The following ROBO2 variants were observed in gnomAD, a reference collection of about 807,000 sequenced individuals.
The protein encoded by ROBO2 is roundabout guidance receptor 2.
Under a neutral mutation model 160.8 loss-of-function variants are expected in ROBO2, and 53 were observed. The observed-to-expected ratio is 0.33, with a 90% CI of 0.26 to 0.41. The LOEUF is 0.41. Among genes scored for constraint, ROBO2 ranks in the 10% least tolerant of loss-of-function variants. ROBO2 has a pLI of 1.00. For missense variants in ROBO2, 1,577 were observed against 1,722.4 expected (o/e 0.92, Z 1.49); for synonymous variants, 664 against 611.7 (o/e 1.09, Z -1.26).
intron 2 of ROBO2, among the ~76,000 whole-genome samples, chr3:76,611,895 C>T (rs115104804): frequency 0.011 from 1,745 of 152,180 alleles, 34 homozygotes; most frequent in African/African-American, 0.039. Context: ...GAGGCATTTA[C>T]TGCTATAAAC....
At chr3:76,203,038 C>A (rs1360065520) in intron 2 of ROBO2, among the ~76,000 whole-genome samples, 1 of 151,160 alleles carries the variant, frequency 6.6e-6, no homozygotes, top group Non-Finnish European at 1.5e-5. Flanking sequence ...TATAGAACAA[C>A]CCTTAGAAAT....
intron 2 of ROBO2, among the ~76,000 whole-genome samples, chr3:77,123,229 A>G (rs542624288): frequency 1.3e-5 from 2 of 152,204 alleles, no homozygotes. Flanking sequence ...TTTTAGTTCT[A>G]TGCCATATTA....
intron 2 of ROBO2, among the ~76,000 whole-genome samples, chr3:75,969,116 T>C (rs2064905499): frequency 6.7e-6 from 1 of 149,338 alleles, no homozygotes; most frequent in Admixed American, 6.7e-5. Flanking sequence ...TTAATCTTTT[T>C]TTTAAGACTG....
chr3:77,514,053 T>C (rs1401990082), intron 5 of ROBO2, among the ~76,000 whole-genome samples: 1 of 151,722 alleles, frequency 6.6e-6, no homozygotes, highest in Non-Finnish European at 1.5e-5. Flanking sequence ...CATCTGTTTC[T>C]TTTTTTCTTG....
chr3:76,367,395 T>C (rs539718224), intron 2 of ROBO2, among the ~76,000 whole-genome samples: 130 of 152,094 alleles, frequency 8.5e-4, no homozygotes, highest in African/African-American at 3.0e-3. Context: ...TTTTTTTTCT[T>C]AATGGCTTTT....
At chr3:76,860,518 C>G (rs1344592097) in intron 2 of ROBO2, among the ~76,000 whole-genome samples, 1 of 152,030 alleles carries the variant, frequency 6.6e-6, no homozygotes, top group Non-Finnish European at 1.5e-5. Flanking sequence ...GCTTATGTCT[C>G]CAAAAATAGT....
At chr3:76,144,076 A>C (rs1429151278) in intron 2 of ROBO2, among the ~76,000 whole-genome samples, 1 of 151,916 alleles carries the variant, frequency 6.6e-6, no homozygotes, top group Non-Finnish European at 1.5e-5. Flanking sequence ...AAACACCCCC[A>C]CAGACACCTC....
rs1485707800 is a variant in ROBO2 at position 77,050,578 on chromosome 3, T to TG, written c.61+9732_61+9733insG. ...TCTTTGCTTTTGTGTGTTTTTTTTT[T>TG]TTGTTGTTTTTTGGTTTTTTTTCCC... On this transcript the variant is annotated intron_variant, in intron 1 of 25. Transcript: ENST00000461745. 2.6e-4 allele frequency among the ~76,000 whole-genome samples: 39 copies of TG among 152,066 alleles called. No individual in the cohort carries two copies. The East Asian group carries it at 3.9e-3, about 15-fold the overall frequency.
intron 2 of ROBO2, among the ~76,000 whole-genome samples, chr3:75,949,831 A>T (rs1215103000): frequency 6.6e-6 from 1 of 152,088 alleles, no homozygotes; most frequent in African/African-American, 2.4e-5. Flanking sequence ...TATAAATTGT[A>T]GTTATATTAG....
chr3:76,619,116 G>A (rs1001652635), intron 2 of ROBO2, among the ~76,000 whole-genome samples: 3 of 151,598 alleles, frequency 2.0e-5, no homozygotes, highest in African/African-American at 4.9e-5. Flanking sequence ...CGAGGCGGGC[G>A]GATCACGAGG....
chr3:76,830,668 AAAAATACT>A (rs1156973464), intron 2 of ROBO2, among the ~76,000 whole-genome samples: 26 of 151,446 alleles, frequency 1.7e-4, no homozygotes, highest in Admixed American at 3.3e-4. Flanking sequence ...CGTATATTTC[AAAAATACT>A]AATCAAAAGT....
chr3:77,472,307 A>G (rs2083440004), intron 2 of ROBO2, among the ~76,000 whole-genome samples: 2 of 152,204 alleles, frequency 1.3e-5, no homozygotes, highest in African/African-American at 4.8e-5. Flanking sequence ...ACAAGGGTCT[A>G]TCACAGGCAC....
intron 2 of ROBO2, among the ~76,000 whole-genome samples, chr3:76,398,993 A>C (rs6772368): frequency 0.19 from 28,333 of 151,704 alleles, 3,127 homozygotes; most frequent in African/African-American, 0.3. Flanking sequence ...CACACAAATA[A>C]TACTTGACAT....
At chr3:75,914,303 G>A (rs1332238614) in intron 1 of ROBO2, among the ~76,000 whole-genome samples, 1 of 152,072 alleles carries the variant, frequency 6.6e-6, no homozygotes, top group Non-Finnish European at 1.5e-5. Context: ...AGTGCAAATT[G>A]CTGAACAGTG....
intron 2 of ROBO2, among the ~76,000 whole-genome samples, chr3:76,335,113 C>A (rs2073777210): frequency 6.6e-6 from 1 of 150,740 alleles, no homozygotes; most frequent in Non-Finnish European, 1.5e-5. Context: ...CAAGTACTCT[C>A]AACTCTACCT....
At chr3:77,017,417 A>G (rs1327374987) in intron 2 of ROBO2, among the ~76,000 whole-genome samples, 1 of 152,224 alleles carries the variant, frequency 6.6e-6, no homozygotes, top group African/African-American at 2.4e-5. Context: ...TCAAATGACT[A>G]ACAGGACCCA....
chr3:77,540,162 TAAGA>T (rs1292839200), intron 6 of ROBO2, among the ~76,000 whole-genome samples: 2 of 152,178 alleles, frequency 1.3e-5, no homozygotes, highest in Non-Finnish European at 2.9e-5. Flanking sequence ...GAAGTGTGCT[TAAGA>T]AAGGTTATAC....
At chr3:76,115,853 C>T (rs2070446781) in intron 2 of ROBO2, among the ~76,000 whole-genome samples, 1 of 151,994 alleles carries the variant, frequency 6.6e-6, no homozygotes, top group Admixed American at 6.6e-5. Context: ...TTTGAGGTTC[C>T]CCCAAGGACA....
intron 2 of ROBO2, among the ~76,000 whole-genome samples, chr3:77,189,293 T>G (rs1200801002): frequency 1.3e-5 from 2 of 151,866 alleles, no homozygotes; most frequent in African/African-American, 4.8e-5. Flanking sequence ...TCTTGAAGAT[T>G]ATATGGAAAC....
Sources: allele counts gnomAD v4.1 joint callset (sites outside exome capture counted in the v4.1 genomes callset), GRCh38; gene constraint gnomAD v4.1.1; transcripts MANE v1.5; gene names NCBI Gene and HGNC (gene_info 2026-07-23, HGNC 2026-07-21).